PCDHA9: variants seen among roughly 807,000 people sequenced by gnomAD.
The protein encoded by PCDHA9 is protocadherin alpha-9.
In PCDHA9, 62 loss-of-function variants were observed where a neutral mutation model predicts 62.0. That is an observed-to-expected ratio of 1.00 (90% CI 0.81 to 1.23). The LOEUF (loss-of-function observed/expected upper bound fraction) is 1.23. PCDHA9 is among the 50% of genes most tolerant of loss of function. The pLI, the probability that PCDHA9 is intolerant of heterozygous loss-of-function variation, is 0.00. For synonymous variants in PCDHA9, 557 were observed against 567.6 expected, an observed-to-expected ratio of 0.98 and a Z score of 0.27; for missense variants, 1,205 against 1,249.8, an observed-to-expected ratio of 0.96 and a Z score of 0.54.
chr5:140,873,959 C>A (rs782271124), intron 1 of PCDHA9, among the ~76,000 whole-genome samples: 1 of 152,136 alleles, frequency 6.6e-6, no homozygotes, highest in Non-Finnish European at 1.5e-5. Context: ...CTGAGCCCAG[C>A]CTATTTTTTA....
chr5:140,876,899 C>G (rs781884794), intron 1 of PCDHA9: 1 of 1,614,092 alleles, frequency 6.2e-7, no homozygotes, highest in South Asian at 1.1e-5. Context: ...CACATCTTCA[C>G]GGTGTCGGCA....
chr5:140,868,562 A>C (rs2153231296), intron 1 of PCDHA9: 1 of 152,960 alleles, frequency 6.5e-6, no homozygotes, highest in South Asian at 2.1e-4. Flanking sequence ...TTTTTATATG[A>C]GGAACAACAC....
chr5:140,941,281 C>A (rs12652617), intron 1 of PCDHA9, among the ~76,000 whole-genome samples: 1 of 69,002 alleles, frequency 1.4e-5, no homozygotes, highest in Non-Finnish European at 3.2e-5. Context: ...TTCCTTCCTT[C>A]CTTTCTCTTT....
chr5:140,991,570 C>T (rs1554252306), intron 3 of PCDHA9, among the ~76,000 whole-genome samples: 1 of 152,220 alleles, frequency 6.6e-6, no homozygotes, highest in Non-Finnish European at 1.5e-5. Context: ...TTTCCAATAA[C>T]AGGCTCCTTA....
chr5:140,928,286 G>A (rs140714840), intron 1 of PCDHA9: 12 of 1,614,014 alleles, frequency 7.4e-6, no homozygotes, highest in Non-Finnish European at 9.3e-6. Flanking sequence ...GCCTCTCTAG[G>A]CCGAGTGTTT....
At chr5:140,917,332 G>GC (rs1293292013) in intron 1 of PCDHA9, among the ~76,000 whole-genome samples, 1 of 145,540 alleles carries the variant, frequency 6.9e-6, no homozygotes, top group Non-Finnish European at 1.5e-5. Flanking sequence ...GGCGGGGGAG[G>GC]GGGGGGATGG....
At chr5:140,895,367 CT>C (rs35382025) in intron 1 of PCDHA9, among the ~76,000 whole-genome samples, 1 of 152,014 alleles carries the variant, frequency 6.6e-6, no homozygotes, top group Non-Finnish European at 1.5e-5. Context: ...CTTATTGGCA[CT>C]TTTTGGAGTT....
intron 1 of PCDHA9, chr5:140,883,468 C>A: frequency 6.2e-7 from 1 of 1,614,164 alleles, no homozygotes; most frequent in South Asian, 1.1e-5. Context: ...TGGTGTCCAC[C>A]TACAAGAACT....
Position 140,850,693 on chromosome 5 carries a change from C to G in PCDHA9, c.2198C>G (p.Ala733Gly), listed in dbSNP as rs138234390. The change falls in exon 1 of 4, where the codon GCG (alanine) becomes GGG (glycine). Residue 733 changes from alanine to glycine, a missense_variant. Ala to Gly is a moderately conservative substitution (Grantham distance 60). This residue lies in a region of PCDHA9 where 887 missense variants were observed against 809.5 expected (regional missense o/e 1.10). Coordinates refer to ENST00000532602, the MANE Select transcript of PCDHA9 (RefSeq NM_031857.2). ...CSAMPTEGECAPGKPTLVCSS... is the reference protein window; with the variant it reads ...CSAMPTEGECGPGKPTLVCSS... ...GCGATGCCCACCGAGGGCGAGTGCG[C>G]GCCTGGCAAGCCGACGCTGGTGTGT... 2.8e-3 allele frequency: 4,547 copies of G among 1,598,322 alleles called. 355 individuals carry two copies. In the South Asian group the frequency reaches 0.039, roughly 14 times the overall value.
At chr5:140,941,718 T>G (rs910042752) in intron 1 of PCDHA9, among the ~76,000 whole-genome samples, 1 of 152,204 alleles carries the variant, frequency 6.6e-6, no homozygotes, top group African/African-American at 2.4e-5. Context: ...CCACAATTTG[T>G]CCTAGCAGTT....
rs185567567 is a variant in PCDHA9, at chr5:140,888,396, T to C, written c.2394+37507T>C. 3.4e-3 allele frequency among the ~76,000 whole-genome samples: 514 copies of C among 152,282 alleles called. 3 individuals are homozygous for C. The highest frequency in any genetic ancestry group is 0.014 in the Middle Eastern group (4 of 294). On this transcript the variant is annotated intron_variant, in intron 1 of 3. Coordinates refer to ENST00000532602, the MANE Select transcript of PCDHA9 (RefSeq NM_031857.2). The stretch of plus-strand genomic sequence containing the variant: ...AGCTCTGAGATGCTGCTAAACACCA[T>C]CCAATTGCTGCCAAACATCCTACCG...
chr5:140,905,963 G>A (rs182775194), intron 1 of PCDHA9, among the ~76,000 whole-genome samples: 9 of 152,308 alleles, frequency 5.9e-5, no homozygotes, highest in Admixed American at 5.9e-4. Flanking sequence ...TCAAGGGGAG[G>A]AAGATCCAGC....
At chr5:140,931,260 T>C (rs576177407) in intron 1 of PCDHA9, among the ~76,000 whole-genome samples, 104 of 152,274 alleles carry the variant, frequency 6.8e-4, no homozygotes, top group East Asian at 3.1e-3. Flanking sequence ...GAAATTTCAC[T>C]ATTTATTTCT....
intron 1 of PCDHA9, among the ~76,000 whole-genome samples, chr5:140,937,688 G>A (rs112584533): frequency 0.018 from 2,711 of 151,860 alleles, 77 homozygotes; most frequent in African/African-American, 0.063. Context: ...TGAGGCAGGC[G>A]GATCACGAGG....
Position 140,869,241 on chromosome 5 carries a change from C to T in PCDHA9, c.2394+18352C>T, listed in dbSNP as rs782686549. 1.9e-6 allele frequency: 3 copies of T among 1,613,628 alleles called. No homozygotes were observed. In the South Asian group the frequency reaches 3.3e-5, roughly 18 times the overall value. ...AGGCCAAACACGGCACCTTCGTGGGCCGCATCGCGCAGGACCTGGGGCTGG... is the reference window on the plus strand; with the variant it reads ...AGGCCAAACACGGCACCTTCGTGGGTCGCATCGCGCAGGACCTGGGGCTGG... On this transcript the variant is annotated intron_variant, in intron 1 of 3. Transcript: ENST00000532602.
intron 1 of PCDHA9, among the ~76,000 whole-genome samples, chr5:140,878,596 G>A (rs1352519824): frequency 6.6e-6 from 1 of 152,144 alleles, no homozygotes; most frequent in South Asian, 2.1e-4. Context: ...CTATTACCAA[G>A]TGAATCTTCT....
chr5:140,972,623 T>C (rs1554234256), intron 1 of PCDHA9, among the ~76,000 whole-genome samples: 1 of 151,938 alleles, frequency 6.6e-6, no homozygotes, highest in African/African-American at 2.4e-5. Context: ...TGAATGTTGT[T>C]GGCACTCCCT....
rs35184029 is a variant in PCDHA9 at position 140,997,668 on chromosome 5, T to TTGTG, written c.2543-11933_2543-11930dup. 2.7e-3 allele frequency among the ~76,000 whole-genome samples: 396 copies of TTGTG among 148,340 alleles called. 1 individual carries two copies. Among genetic ancestry groups the TTGTG allele is most frequent in the African/African-American group, 5.1e-3 (207 of 40,232 alleles). On this transcript the variant is annotated intron_variant, in intron 3 of 3. Transcript: ENST00000532602. ...AATGCAATATGTATTATTATACAGC[T>TTGTG]TGTGTGTGTGTGTGTGTGTGTGTGT...
chr5:141,009,539 C>G lies in PCDHA9; in HGVS notation c.2543-88C>G, dbSNP rs141154047. 10,440 of 1,522,742 alleles carry G rather than the reference C, an allele frequency of 6.9e-3. 51 individuals are homozygous for G. Among genetic ancestry groups the G allele is most frequent in the Admixed American group, 0.011 (516 of 46,760 alleles). 94.3% of individuals were successfully genotyped at this position (1,522,742 alleles called of 1,614,324 possible). A position where few individuals can be genotyped will look rare whatever the true frequency, so the allele number is the denominator to read the frequency against. ...ATTTTTCTGGGGAGGTTCAGCCTGC[C>G]TATGCAGTACTCCTGTACTCTACCA... On this transcript the variant is annotated intron_variant, in intron 3 of 3. Transcript: ENST00000532602.
Sources: allele counts gnomAD v4.1 joint callset (sites outside exome capture counted in the v4.1 genomes callset), GRCh38; gene constraint gnomAD v4.1.1; regional missense constraint gnomAD v4.1.1; transcripts MANE v1.5; gene names NCBI Gene and HGNC (gene_info 2026-07-23, HGNC 2026-07-21).